KSR2: variants seen among roughly 807,000 people sequenced by gnomAD.
The protein encoded by KSR2 is kinase suppressor of ras 2.
Under a neutral mutation model 107.8 loss-of-function variants are expected in KSR2, and 25 were observed. The observed-to-expected ratio is 0.23, with a 90% CI of 0.17 to 0.32. The LOEUF is 0.32. KSR2 is among the 10% of genes least tolerant of loss of function. The pLI, the probability that KSR2 is intolerant of heterozygous loss-of-function variation, is 1.00. For synonymous variants in KSR2, 480 were observed against 507.0 expected, an observed-to-expected ratio of 0.95 and a Z score of 0.71; for missense variants, 887 against 1,268.9, an observed-to-expected ratio of 0.70 and a Z score of 4.57.
chr12:117,904,230 A>C (rs1033280080), intron 1 of KSR2, among the ~76,000 whole-genome samples: 3 of 152,180 alleles, frequency 2.0e-5, no homozygotes, highest in Non-Finnish European at 4.4e-5. Flanking sequence ...TCAGACCCTC[A>C]GGGGTTCATA....
intron 14 of KSR2, among the ~76,000 whole-genome samples, chr12:117,510,912 G>A (rs941957021): frequency 2.3e-4 from 35 of 149,550 alleles, no homozygotes; most frequent in African/African-American, 8.7e-4. Flanking sequence ...CTCAACAACA[G>A]CAGCAGATGT....
At chr12:117,899,468 G>A (rs535477220) in intron 1 of KSR2, among the ~76,000 whole-genome samples, 22 of 152,026 alleles carry the variant, frequency 1.4e-4, no homozygotes, top group Admixed American at 1.4e-3. Context: ...ACTCCAACCT[G>A]GGCAACAGAG....
At chr12:117,677,715 C>T (rs752578694) in intron 4 of KSR2, among the ~76,000 whole-genome samples, 2 of 152,132 alleles carry the variant, frequency 1.3e-5, no homozygotes, top group Admixed American at 6.5e-5. Context: ...CTTATTCTAG[C>T]GGTGTCTGAA....
At chr12:117,945,632 C>G (rs2137548704) in intron 1 of KSR2, among the ~76,000 whole-genome samples, 1 of 152,268 alleles carries the variant, frequency 6.6e-6, no homozygotes, top group African/African-American at 2.4e-5. Flanking sequence ...CAAGGTCGTG[C>G]CATTGCACTC....
chr12:117,940,831 A>G (rs1375498230), intron 1 of KSR2, among the ~76,000 whole-genome samples: 1 of 152,106 alleles, frequency 6.6e-6, no homozygotes, highest in East Asian at 1.9e-4. Flanking sequence ...CACACCTGTA[A>G]TCCCAGCACT....
chr12:117,918,986 T>C (rs1487909193), intron 1 of KSR2, among the ~76,000 whole-genome samples: 4 of 151,616 alleles, frequency 2.6e-5, no homozygotes, highest in African/African-American at 9.7e-5. Context: ...ATTTTAAAAA[T>C]TAGCTGGGTG....
intron 5 of KSR2, among the ~76,000 whole-genome samples, chr12:117,643,068 G>T (rs1369771577): frequency 6.6e-6 from 1 of 152,150 alleles, no homozygotes; most frequent in Non-Finnish European, 1.5e-5. Flanking sequence ...TTTCTGACTT[G>T]GATTTTATGC....
intron 4 of KSR2, among the ~76,000 whole-genome samples, chr12:117,739,639 T>A (rs1888096689): frequency 6.6e-6 from 1 of 152,156 alleles, no homozygotes; most frequent in Non-Finnish European, 1.5e-5. Flanking sequence ...AGCATCTGTG[T>A]TTTCACTGAG....
chr12:117,962,794 A>C (rs531986447), intron 1 of KSR2, among the ~76,000 whole-genome samples: 1 of 152,006 alleles, frequency 6.6e-6, no homozygotes, highest in South Asian at 2.1e-4. Flanking sequence ...GTACAACTAT[A>C]AACATCAAAA....
At chr12:117,682,621 G>A (rs544791289) in intron 4 of KSR2, among the ~76,000 whole-genome samples, 1 of 152,050 alleles carries the variant, frequency 6.6e-6, no homozygotes, top group African/African-American at 2.4e-5. Flanking sequence ...GTTTCTCCAT[G>A]TTGGTCAGGC....
Position 117,454,719 on chromosome 12 carries a change from G to C in KSR2, c.*12480C>G, listed in dbSNP as rs1426296307. On this transcript the variant is annotated 3_prime_UTR_variant, in exon 20 of 20. Transcript: ENST00000339824. ...ACATGTCCTTGACCTCAACACTTCA[G>C]GGGCCTATTCATAGAGTGATATGAA... 6.6e-6 allele frequency: 1 copy of C among 152,192 alleles called. No individual in the cohort carries two copies. Among genetic ancestry groups the C allele is most frequent in the Admixed American group, 6.5e-5 (1 of 15,284 alleles). The allele number at this position is 152,192 out of a possible 1,614,324, so 9.4% of individuals were successfully genotyped here.
At chr12:117,743,263 T>C (rs941807621) in intron 4 of KSR2, among the ~76,000 whole-genome samples, 14 of 152,264 alleles carry the variant, frequency 9.2e-5, no homozygotes, top group Non-Finnish European at 1.9e-4. Flanking sequence ...GCAAGTGCTC[T>C]TCGTCTTCAT....
chr12:117,545,128 A>C (rs1876765505), intron 9 of KSR2, among the ~76,000 whole-genome samples: 1 of 152,128 alleles, frequency 6.6e-6, no homozygotes, highest in Admixed American at 6.6e-5. Flanking sequence ...GAATTATGTT[A>C]ATTGATTTTT....
chr12:117,741,727 A>G (rs1340964310), intron 4 of KSR2, among the ~76,000 whole-genome samples: 1 of 152,210 alleles, frequency 6.6e-6, no homozygotes, highest in Non-Finnish European at 1.5e-5. Context: ...ATTATTAAAA[A>G]TAAAGAAGGA....
intron 3 of KSR2, among the ~76,000 whole-genome samples, chr12:117,778,838 T>C (rs1360733445): frequency 6.6e-6 from 1 of 152,236 alleles, no homozygotes; most frequent in Non-Finnish European, 1.5e-5. Flanking sequence ...TGTTGTTCTA[T>C]TGCTCTGCCT....
At chr12:117,707,962 C>T (rs1439924255) in intron 4 of KSR2, among the ~76,000 whole-genome samples, 1 of 152,152 alleles carries the variant, frequency 6.6e-6, no homozygotes, top group African/African-American at 2.4e-5. Flanking sequence ...AAAAAGGAGT[C>T]CCCCATGCAA....
chr12:117,894,403 C>A (rs1336432344), intron 1 of KSR2, among the ~76,000 whole-genome samples: 1 of 152,074 alleles, frequency 6.6e-6, no homozygotes, highest in African/African-American at 2.4e-5. Flanking sequence ...AGTGGTTCAT[C>A]CCTGTCATCC....
rs1483866023 is a variant in KSR2 at position 117,459,646 on chromosome 12, C to T, written c.*7553G>A. ...CTTAACCCTTCTGAGGGTGTTACAT[C>T]TTATATACTTTTCACATTGGCCTCC... is the stretch of plus-strand genomic sequence containing the variant. On this transcript the variant is annotated 3_prime_UTR_variant, in exon 20 of 20. Transcript: ENST00000339824. 3 of 152,184 alleles carry T rather than the reference C, an allele frequency of 2.0e-5. No individual in the cohort carries two copies. Among genetic ancestry groups the T allele is most frequent in the Non-Finnish European group, 4.4e-5 (3 of 68,046 alleles). 9.4% of individuals were successfully genotyped at this position (152,184 alleles called of 1,614,324 possible).
At chr12:117,573,223 T>C (rs571379494) in intron 7 of KSR2, among the ~76,000 whole-genome samples, 78 of 152,344 alleles carry the variant, frequency 5.1e-4, no homozygotes, top group Non-Finnish European at 9.4e-4. Flanking sequence ...GAGATGTTTC[T>C]GGCTTCCTGG....
Sources: gnomAD v4.1 joint callset for allele counts (sites outside exome capture counted in the v4.1 genomes callset) on GRCh38, gnomAD v4.1.1 for gene constraint, MANE v1.5 for transcripts, NCBI Gene and HGNC (gene_info 2026-07-23, HGNC 2026-07-21) for gene names.